MYH7B: variants seen among roughly 807,000 people sequenced by gnomAD.
MYH7B encodes the protein myosin-7B.
In MYH7B, 205 loss-of-function variants were observed where a neutral mutation model predicts 234.5. That is an observed-to-expected ratio of 0.87 (90% confidence interval 0.78 to 0.98). MYH7B has a LOEUF of 0.98. Among genes scored for constraint, MYH7B ranks in the 50% least tolerant of loss-of-function variants. The probability of loss-of-function intolerance (pLI) is 0.00; values close to 1 mark genes in which losing one functional copy is unlikely to be tolerated. For missense variants in MYH7B, 2,652 were observed against 2,633.4 expected (o/e 1.01, Z -0.15); for synonymous variants, 1,193 against 1,105.0 (o/e 1.08, Z -1.58).
intron 13 of MYH7B, 124 bp from the exon 14 acceptor site, chr20:34,985,976 T>TGGCAGGTGCAGA: frequency 1.3e-6 from 1 of 756,132 alleles, no homozygotes; most frequent in Non-Finnish European, 2.3e-6. Flanking sequence ...CCACACAAGC[T>TGGCAGGTGCAGA]GGCAGGTGCA....
chr20:34,964,533 T>C (rs138908161), intron 2 of MYH7B, among the ~76,000 whole-genome samples: 1 of 152,288 alleles, frequency 6.6e-6, no homozygotes, highest in Non-Finnish European at 1.5e-5. Context: ...TGATGGGAGC[T>C]TCTCTCTACC....
At chr20:34,990,537 A>G in intron 22 of MYH7B, 1 of 817,684 alleles carries the variant, frequency 1.2e-6, no homozygotes, top group South Asian at 1.4e-5. Flanking sequence ...TCTGGGAGGG[A>G]CGGGGATTTG....
intron 33 of MYH7B, 23 bp from the exon 34 acceptor site, chr20:34,998,488 T>A: frequency 6.2e-7 from 1 of 1,613,002 alleles, no homozygotes; most frequent in Non-Finnish European, 8.5e-7. Context: ...GCCTGACCTG[T>A]CCGCTCGCCT....
At chr20:34,978,811 TCTAG>T (rs2081896746) in intron 5 of MYH7B, among the ~76,000 whole-genome samples, 1 of 152,148 alleles carries the variant, frequency 6.6e-6, no homozygotes, top group African/African-American at 2.4e-5. Context: ...CCTAGATGGT[TCTAG>T]ATGGTCCTGA....
exon 8 of MYH7B, chr20:34,980,628 A>T (rs1467391722): frequency 6.2e-7 from 1 of 1,614,044 alleles, no homozygotes; most frequent in Non-Finnish European, 8.5e-7. Flanking sequence ...AATGGCTCCC[A>T]GTCTATACGG....
chr20:34,994,248 G>C (rs191773517), exon 27 of MYH7B: 1 of 1,613,080 alleles, frequency 6.2e-7, no homozygotes, highest in Non-Finnish European at 8.5e-7. Flanking sequence ...TGCTGCGCTC[G>C]GCGCAGGCTG....
At chr20:34,966,290 A>G (rs2081741323) in intron 2 of MYH7B, among the ~76,000 whole-genome samples, 1 of 152,264 alleles carries the variant, frequency 6.6e-6, no homozygotes, top group African/African-American at 2.4e-5. Context: ...ACATACCATG[A>G]GTACCACTCA....
At position 34,999,111 on chromosome 20, in the gene MYH7B, G is replaced by A. The variant is rs773775235; in HGVS notation, c.4246G>A (p.Ala1416Thr). The A allele has an allele frequency of 2.0e-5, 32 of 1,613,332 alleles. No individual in the cohort carries two copies. In the Middle Eastern group the frequency reaches 9.9e-4, roughly 50 times the overall value. Residue 1416 changes from alanine to threonine, a missense_variant, in exon 36 of 45, where the codon GCC (alanine) becomes ACC (threonine). Coordinates refer to ENST00000262873, the Ensembl canonical transcript of MYH7B. ...AGAGGAGGGCGTGGAGGCTGCCAAC[G>A]CCAAGTGCTCATCGTTGGAGAAGGC...
intron 3 of MYH7B, among the ~76,000 whole-genome samples, chr20:34,975,882 A>AT (rs1165121150): frequency 6.6e-6 from 1 of 151,878 alleles, no homozygotes; most frequent in Non-Finnish European, 1.5e-5. Flanking sequence ...CCTCTGGCTA[A>AT]TTTTTTTGTA....
intron 14 of MYH7B, among the ~76,000 whole-genome samples, 194 bp from the exon 15 acceptor site, chr20:34,986,692 C>T (rs1309114502): frequency 6.6e-6 from 1 of 152,182 alleles, no homozygotes; most frequent in African/African-American, 2.4e-5. Flanking sequence ...CAGGGCCCTT[C>T]ACTCTCAGTG....
intron 2 of MYH7B, 33 bp from the exon 3 acceptor site, chr20:34,975,367 G>C (rs2081838506): frequency 1.7e-6 from 1 of 572,644 alleles, no homozygotes; most frequent in African/African-American, 1.9e-5. Context: ...ACCATGCCTG[G>C]CTAATTTTTG....
intron 44 of MYH7B, 40 bp downstream of exon 44, chr20:35,002,125 C>T: frequency 6.2e-7 from 1 of 1,608,634 alleles, no homozygotes; most frequent in Non-Finnish European, 8.5e-7. Context: ...TGCAGGGGGA[C>T]TGTGGGGGCT....
At chr20:34,973,540 G>T (rs1287347122) in intron 2 of MYH7B, among the ~76,000 whole-genome samples, 1 of 152,198 alleles carries the variant, frequency 6.6e-6, no homozygotes, top group Non-Finnish European at 1.5e-5. Context: ...CCAGTTCAGA[G>T]GCCTCAGCCC....
exon 39 of MYH7B, chr20:35,000,554 G>A: frequency 6.3e-7 from 1 of 1,578,070 alleles, no homozygotes; most frequent in Non-Finnish European, 8.6e-7. Flanking sequence ...CGCAGGCTCT[G>A]GAGCGCCGGG....
At chr20:34,987,234 T>G in exon 16 of MYH7B, 2 of 1,612,010 alleles carry the variant, frequency 1.2e-6, no homozygotes, top group Non-Finnish European at 1.7e-6. Flanking sequence ...TTTGGCAACA[T>G]GAAGTTCAAG....
intron 2 of MYH7B, among the ~76,000 whole-genome samples, chr20:34,959,939 C>T (rs921970496): frequency 6.6e-6 from 1 of 152,132 alleles, no homozygotes; most frequent in Non-Finnish European, 1.5e-5. Context: ...ATTTTACAGC[C>T]GGGGAAAGGA....
At chr20:34,987,980 G>T in intron 18 of MYH7B, 66 bp downstream of exon 18, 1 of 1,557,288 alleles carries the variant, frequency 6.4e-7, no homozygotes, top group Non-Finnish European at 8.7e-7. Context: ...CTGTGGGGGG[G>T]CAGAAGCCCT....
In MYH7B at chr20:34,984,847, G is replaced by A. The variant is rs188454413; in HGVS notation, c.649-7G>A. The A allele has an allele frequency of 4.8e-4, 779 of 1,612,648 alleles. 2 individuals carry two copies. The African/African-American group carries it at 9.2e-3, about 19-fold the overall frequency. On this transcript the variant is annotated splice_polypyrimidine_tract_variant and splice_region_variant and intron_variant, in intron 11 of 44. Transcript: ENST00000262873. ...ACTGACAGACCCCCTCACCCCCACC[G>A]CCCCAGGGCACCCTTGAGGATCAAA... is the stretch of plus-strand genomic sequence containing the variant.
chr20:34,986,348 T>A, intron 14 of MYH7B, 150 bp downstream of exon 14: 1 of 656,542 alleles, frequency 1.5e-6, no homozygotes, highest in Non-Finnish European at 2.6e-6. Flanking sequence ...TTTTGGTTAC[T>A]TTCCTGCTAG....
Sources: allele counts gnomAD v4.1 joint callset (sites outside exome capture counted in the v4.1 genomes callset), GRCh38; gene constraint gnomAD v4.1.1; transcripts MANE v1.5; gene names NCBI Gene and HGNC (gene_info 2026-07-23, HGNC 2026-07-21).